The following LRP1B variants were observed in gnomAD, a reference collection of about 807,000 sequenced individuals.
The protein encoded by LRP1B is low-density lipoprotein receptor-related protein 1B.
LRP1B carries 217 observed loss-of-function variants against 556.6 expected under a neutral mutation model. That is an observed-to-expected ratio of 0.39 (90% CI 0.35 to 0.44). The LOEUF is 0.44. Among genes scored for constraint, LRP1B ranks in the 20% least tolerant of loss-of-function variants. The probability of loss-of-function intolerance (pLI) is 1.00; values close to 1 mark genes in which losing one functional copy is unlikely to be tolerated. For missense variants in LRP1B, 5,053 were observed against 5,620.8 expected (o/e 0.90, Z 3.23); for synonymous variants, 2,047 against 1,865.8 (o/e 1.10, Z -2.50).
At chr2:141,881,177 C>T (rs142813902) in intron 1 of LRP1B, among the ~76,000 whole-genome samples, 24 of 151,986 alleles carry the variant, frequency 1.6e-4, no homozygotes, top group African/African-American at 5.8e-4. Flanking sequence ...AATATAATTA[C>T]CCTTGATGGT....
chr2:141,987,882 G>T (rs935400753), intron 1 of LRP1B, among the ~76,000 whole-genome samples: 1 of 106,436 alleles, frequency 9.4e-6, no homozygotes, highest in African/African-American at 3.6e-5. Context: ...TTAGTAAACA[G>T]AAAAACAATT....
chr2:141,812,695 A>G (rs1396918487), intron 1 of LRP1B, among the ~76,000 whole-genome samples: 1 of 152,160 alleles, frequency 6.6e-6, no homozygotes, highest in Non-Finnish European at 1.5e-5. Flanking sequence ...AATACTTAAG[A>G]AAAGGTAATT....
At chr2:141,020,865 C>A (rs990567307) in intron 11 of LRP1B, among the ~76,000 whole-genome samples, 1 of 151,904 alleles carries the variant, frequency 6.6e-6, no homozygotes, top group South Asian at 2.1e-4. Context: ...TATTATCATT[C>A]ACGAAGCAGT....
intron 41 of LRP1B, among the ~76,000 whole-genome samples, chr2:140,654,582 C>T (rs185559919): frequency 6.6e-6 from 1 of 151,366 alleles, no homozygotes; most frequent in East Asian, 2.0e-4. Context: ...AGTCTCACTT[C>T]ATCAGTGTGA....
At chr2:140,732,446 C>T (rs1687811174) in intron 35 of LRP1B, among the ~76,000 whole-genome samples, 1 of 151,974 alleles carries the variant, frequency 6.6e-6, no homozygotes, top group Non-Finnish European at 1.5e-5. Context: ...ACAGTGTTTC[C>T]ATTTTAGGAG....
chr2:141,541,369 G>A (rs1685253980), intron 2 of LRP1B, among the ~76,000 whole-genome samples: 2 of 152,028 alleles, frequency 1.3e-5, no homozygotes. Flanking sequence ...GCCTGTAGCT[G>A]TCAAGTAAGA....
At chr2:140,914,179 T>C (rs542677305) in intron 21 of LRP1B, among the ~76,000 whole-genome samples, 1 of 152,156 alleles carries the variant, frequency 6.6e-6, no homozygotes, top group Non-Finnish European at 1.5e-5. Flanking sequence ...AAACTGTGGA[T>C]AGAGTGGATT....
At chr2:141,019,641 G>A (rs914983202) in intron 12 of LRP1B, among the ~76,000 whole-genome samples, 1 of 151,980 alleles carries the variant, frequency 6.6e-6, no homozygotes, top group African/African-American at 2.4e-5. Flanking sequence ...TTATCTTGGT[G>A]TCAGGCTGCT....
chr2:140,633,668 A>G (rs751616478), intron 41 of LRP1B, among the ~76,000 whole-genome samples: 39 of 152,304 alleles, frequency 2.6e-4, no homozygotes, highest in East Asian at 5.8e-4. Context: ...TGAAAGAATA[A>G]TAATGAATAT....
chr2:141,150,663 G>A (rs184508477), intron 7 of LRP1B, among the ~76,000 whole-genome samples: 149 of 152,122 alleles, frequency 9.8e-4, no homozygotes, highest in African/African-American at 3.2e-3. Context: ...ATTATTTCAC[G>A]TCCAAAATCC....
chr2:141,539,960 C>T (rs1416284522), intron 2 of LRP1B, among the ~76,000 whole-genome samples: 1 of 152,008 alleles, frequency 6.6e-6, no homozygotes, highest in African/African-American at 2.4e-5. Context: ...ATAGAAAGAG[C>T]CTTTCACCCA....
chr2:140,633,856 A>C (rs1393147257), intron 41 of LRP1B, among the ~76,000 whole-genome samples: 3 of 152,192 alleles, frequency 2.0e-5, no homozygotes, highest in Non-Finnish European at 4.4e-5. Flanking sequence ...ATCACTGGTG[A>C]ATTCTGTCAA....
chr2:141,009,864 G>A (rs1437532281), intron 14 of LRP1B, among the ~76,000 whole-genome samples: 2 of 151,764 alleles, frequency 1.3e-5, no homozygotes, highest in Non-Finnish European at 2.9e-5. Context: ...AAATTAAATT[G>A]GCCACACAAA....
At chr2:140,401,452 G>A (rs2105228928) in intron 66 of LRP1B, among the ~76,000 whole-genome samples, 1 of 152,208 alleles carries the variant, frequency 6.6e-6, no homozygotes, top group Non-Finnish European at 1.5e-5. Flanking sequence ...GCTCTCCACT[G>A]GAACATTATT....
chr2:140,397,187 CT>C (rs1420918464), intron 66 of LRP1B, among the ~76,000 whole-genome samples: 2 of 152,050 alleles, frequency 1.3e-5, no homozygotes, highest in Admixed American at 6.6e-5. Context: ...TTTTTCTAAT[CT>C]CTATTTTTAA....
At chr2:140,869,959 C>T (rs891680709) in intron 25 of LRP1B, among the ~76,000 whole-genome samples, 1 of 152,074 alleles carries the variant, frequency 6.6e-6, no homozygotes, top group Non-Finnish European at 1.5e-5. Context: ...ATGGAAGCTG[C>T]CTTTCAAGAA....
intron 47 of LRP1B, among the ~76,000 whole-genome samples, chr2:140,532,706 A>T (rs1031632309): frequency 6.6e-6 from 1 of 151,624 alleles, no homozygotes; most frequent in Non-Finnish European, 1.5e-5. Context: ...TTCTGTTTTT[A>T]CCACTCTCTT....
chr2:141,723,350 AATAT>A (rs1278671418), intron 2 of LRP1B, among the ~76,000 whole-genome samples: 1 of 149,924 alleles, frequency 6.7e-6, no homozygotes, highest in Non-Finnish European at 1.5e-5. Flanking sequence ...ATGAGGCTTT[AATAT>A]AATTTAATAT....
intron 2 of LRP1B, among the ~76,000 whole-genome samples, chr2:141,562,031 ATG>A (rs1686172357): frequency 6.6e-6 from 1 of 151,988 alleles, no homozygotes; most frequent in Admixed American, 6.6e-5. Context: ...GAGGATATAA[ATG>A]TAAGTAAAAC....
Sources: gnomAD v4.1 joint callset for allele counts (sites outside exome capture counted in the v4.1 genomes callset) on GRCh38, gnomAD v4.1.1 for gene constraint, MANE v1.5 for transcripts, NCBI Gene and HGNC (gene_info 2026-07-23, HGNC 2026-07-21) for gene names.